The following BBS9 variants were observed in gnomAD, a reference collection of about 807,000 sequenced individuals.
BBS9 encodes protein PTHB1.
A neutral mutation model predicts 117.7 loss-of-function variants in BBS9; 89 were observed. The observed-to-expected ratio is 0.76, with a 90% CI of 0.64 to 0.90. The LOEUF (loss-of-function observed/expected upper bound fraction) is 0.90. Among genes scored for constraint, BBS9 ranks in the 40% least tolerant of loss-of-function variants. The pLI, the probability that BBS9 is intolerant of heterozygous loss-of-function variation, is 0.00. For synonymous variants in BBS9, 379 were observed against 370.9 expected (o/e 1.02, Z -0.25); for missense variants, 982 against 1,042.2 (o/e 0.94, Z 0.80).
intron 9 of BBS9, among the ~76,000 whole-genome samples, chr7:33,307,104 G>A (rs1233188177): frequency 6.6e-6 from 1 of 152,086 alleles, no homozygotes; most frequent in African/African-American, 2.4e-5. Flanking sequence ...ATGCAATATA[G>A]CATTCTTTTC....
chr7:33,407,743 A>G (rs1008601164), intron 19 of BBS9, among the ~76,000 whole-genome samples: 8 of 152,224 alleles, frequency 5.3e-5, no homozygotes, highest in Non-Finnish European at 7.3e-5. Context: ...TGTCTGCAGA[A>G]CCACGGATTT....
chr7:33,139,035 C>T (rs2128072749), intron 1 of BBS9, among the ~76,000 whole-genome samples: 1 of 151,276 alleles, frequency 6.6e-6, no homozygotes, highest in East Asian at 2.2e-4. Context: ...GGCGGATCAC[C>T]TAAGTTCAGG....
At chr7:33,325,594 A>G (rs143094999) in intron 9 of BBS9, among the ~76,000 whole-genome samples, 180 of 152,188 alleles carry the variant, frequency 1.2e-3, no homozygotes, top group African/African-American at 4.2e-3. Flanking sequence ...AGCCTTTGCA[A>G]TCTGGGTTTG....
Position 33,264,340 on chromosome 7 carries a change from A to G in BBS9, c.668A>G (p.Glu223Gly), listed in dbSNP as rs760703761. Residue 223 changes from glutamate (E) to glycine (G), a missense_variant, in exon 7 of 23, where the codon GAA (glutamate) becomes GGA (glycine). Physicochemically the swap from Glu to Gly is moderately conservative, Grantham distance 98. Coordinates refer to ENST00000242067, the MANE Select transcript of BBS9 (RefSeq NM_198428.3). Reference sequence around the variant, plus strand: ...GATGCAGATAAAAGGCAGGAGACTGAACAGCAAAAACTTGGTTCTGGAAAA... The same window carrying G: ...GATGCAGATAAAAGGCAGGAGACTGGACAGCAAAAACTTGGTTCTGGAAAA... ...ATDADKRQET[E>G]QQKLGSGKRL... 1 of 1,581,744 alleles carries G rather than the reference A, an allele frequency of 6.3e-7. No individual in the cohort carries two copies. The highest frequency in any genetic ancestry group is 1.2e-5 in the South Asian group (1 of 82,866).
intron 21 of BBS9, among the ~76,000 whole-genome samples, chr7:33,553,081 G>A (rs1329291450): frequency 6.6e-6 from 1 of 151,986 alleles, no homozygotes; most frequent in East Asian, 1.9e-4. Flanking sequence ...TCCCTCTCCT[G>A]TACCCGCCCC....
At chr7:33,340,869 A>C (rs1816373507) in intron 10 of BBS9, 28 bp from the exon 11 acceptor site, 1 of 1,590,746 alleles carries the variant, frequency 6.3e-7, no homozygotes, top group African/African-American at 1.3e-5. Flanking sequence ...CTTTATGATT[A>C]AATAATTTTT....
chr7:33,380,371 G>A (rs1824757837), intron 17 of BBS9: 1 of 157,292 alleles, frequency 6.4e-6, no homozygotes, highest in African/African-American at 2.4e-5. Flanking sequence ...CCCACTGTGA[G>A]ACATGCCCTC....
intron 19 of BBS9, among the ~76,000 whole-genome samples, chr7:33,417,097 G>A (rs921521825): frequency 2.6e-5 from 4 of 152,134 alleles, no homozygotes; most frequent in Non-Finnish European, 2.9e-5. Flanking sequence ...TAGACACTAC[G>A]TTTTAACAAT....
chr7:33,435,000 A>G (rs1359077497), intron 19 of BBS9, among the ~76,000 whole-genome samples: 2 of 152,174 alleles, frequency 1.3e-5, no homozygotes, highest in Non-Finnish European at 2.9e-5. Flanking sequence ...ATACTAGGAA[A>G]TCTCATCTCC....
chr7:33,144,346 C>T (rs563867249), intron 1 of BBS9, among the ~76,000 whole-genome samples: 172 of 152,274 alleles, frequency 1.1e-3, no homozygotes, highest in Non-Finnish European at 2.0e-3. Flanking sequence ...TAGAGCTGAT[C>T]CTCATTATTG....
At chr7:33,612,617 A>C (rs1585476579) in intron 21 of BBS9, among the ~76,000 whole-genome samples, 1 of 151,992 alleles carries the variant, frequency 6.6e-6, no homozygotes, top group African/African-American at 2.4e-5. Context: ...TGGTCCCTAC[A>C]GTGGCACTGG....
At chr7:33,532,701 C>A (rs1396240305) in intron 20 of BBS9, among the ~76,000 whole-genome samples, 2 of 152,102 alleles carry the variant, frequency 1.3e-5, no homozygotes, top group Non-Finnish European at 2.9e-5. Context: ...CACAGCCAAA[C>A]CATATCATAG....
chr7:33,193,612 G>C (rs771504584), intron 5 of BBS9, among the ~76,000 whole-genome samples: 1 of 152,000 alleles, frequency 6.6e-6, no homozygotes, highest in East Asian at 1.9e-4. Flanking sequence ...CTGACGTACT[G>C]TTTTGACGGT....
At chr7:33,238,617 A>T (rs1455773300) in intron 5 of BBS9, among the ~76,000 whole-genome samples, 1 of 152,166 alleles carries the variant, frequency 6.6e-6, no homozygotes, top group Non-Finnish European at 1.5e-5. Context: ...TAACTTAAGT[A>T]ACATGCTCAT....
At chr7:33,208,395 C>T (rs182792846) in intron 5 of BBS9, among the ~76,000 whole-genome samples, 1 of 152,212 alleles carries the variant, frequency 6.6e-6, no homozygotes, top group Non-Finnish European at 1.5e-5. Context: ...GCTGCTACTT[C>T]CAGTGCTGCA....
chr7:33,631,814 G>T (rs1225876489), intron 21 of BBS9, among the ~76,000 whole-genome samples: 1 of 152,194 alleles, frequency 6.6e-6, no homozygotes, highest in Non-Finnish European at 1.5e-5. Flanking sequence ...GTCGGGGCCA[G>T]GCCTGTTCCC....
intron 21 of BBS9, among the ~76,000 whole-genome samples, chr7:33,618,870 G>A (rs1865270915): frequency 6.6e-6 from 1 of 151,688 alleles, no homozygotes; most frequent in African/African-American, 2.4e-5. Context: ...CCTGTAGTGG[G>A]TACACAAAAG....
intron 20 of BBS9, among the ~76,000 whole-genome samples, chr7:33,518,996 G>A (rs925143447): frequency 6.6e-5 from 10 of 151,578 alleles, no homozygotes; most frequent in African/African-American, 9.7e-5. Flanking sequence ...ATCCATTGGC[G>A]GTCTTGATCA....
intron 12 of BBS9, among the ~76,000 whole-genome samples, chr7:33,345,618 C>A (rs958699233): frequency 7.9e-5 from 12 of 152,134 alleles, no homozygotes; most frequent in African/African-American, 2.9e-4. Context: ...GGTGGTCTTT[C>A]CCCAACCTCC....
Sources: allele counts gnomAD v4.1 joint callset (sites outside exome capture counted in the v4.1 genomes callset), GRCh38; gene constraint gnomAD v4.1.1; transcripts MANE v1.5; gene names NCBI Gene and HGNC (gene_info 2026-07-23, HGNC 2026-07-21).